Variants in PPM1E observed in about 807,000 individuals in gnomAD.
PPM1E encodes the protein protein phosphatase 1E.
A neutral mutation model predicts 65.9 loss-of-function variants in PPM1E; 20 were observed. The observed-to-expected ratio is 0.30, with a 90% CI of 0.21 to 0.44. The LOEUF (loss-of-function observed/expected upper bound fraction) is 0.44. PPM1E is among the 20% of genes least tolerant of loss of function. PPM1E has a pLI of 1.00. For missense variants in PPM1E, 713 were observed against 953.1 expected, an observed-to-expected ratio of 0.75 and a Z score of 3.32; for synonymous variants, 352 against 374.9, an observed-to-expected ratio of 0.94 and a Z score of 0.70.
intron 1 of PPM1E, among the ~76,000 whole-genome samples, chr17:58,843,260 A>G (rs1030547770): frequency 6.6e-6 from 1 of 150,500 alleles, no homozygotes; most frequent in African/African-American, 2.4e-5. Flanking sequence ...TGAGAGGCGG[A>G]GTTTTCAGTG....
chr17:58,787,003 T>C (rs1315126368), intron 1 of PPM1E, among the ~76,000 whole-genome samples: 1 of 152,230 alleles, frequency 6.6e-6, no homozygotes, highest in Non-Finnish European at 1.5e-5. Context: ...ATTTTGAAAA[T>C]TCTGAAGTAG....
chr17:58,919,172 G>A (rs953350632), intron 1 of PPM1E, among the ~76,000 whole-genome samples: 7 of 152,144 alleles, frequency 4.6e-5, no homozygotes, highest in African/African-American at 1.7e-4. Flanking sequence ...GCTCTCAGAA[G>A]ATAATGGATA....
At chr17:58,970,571 A>G (rs571105643) in intron 4 of PPM1E, among the ~76,000 whole-genome samples, 1 of 152,312 alleles carries the variant, frequency 6.6e-6, no homozygotes, top group Non-Finnish European at 1.5e-5. Flanking sequence ...CCATTTTTTG[A>G]TAGCATAGTT....
At chr17:58,917,218 GA>G (rs201768744) in intron 1 of PPM1E, among the ~76,000 whole-genome samples, 49,900 of 128,668 alleles carry the variant, frequency 0.39, 8,821 homozygotes, top group East Asian at 0.54. Context: ...TCAAAAAAAA[GA>G]AAAAAAAAAA....
At chr17:58,805,422 G>A (rs758853643) in intron 1 of PPM1E, among the ~76,000 whole-genome samples, 3 of 151,914 alleles carry the variant, frequency 2.0e-5, no homozygotes, top group Admixed American at 6.6e-5. Flanking sequence ...GGCTAATTTC[G>A]TATTTTTAGT....
chr17:58,885,304 G>A (rs1472187839), intron 1 of PPM1E, among the ~76,000 whole-genome samples: 8 of 152,118 alleles, frequency 5.3e-5, no homozygotes, highest in Non-Finnish European at 1.0e-4. Context: ...TGATCTGCCC[G>A]CCTTGCCCTC....
At chr17:58,904,652 C>G (rs1202856386) in intron 1 of PPM1E, among the ~76,000 whole-genome samples, 2 of 151,968 alleles carry the variant, frequency 1.3e-5, no homozygotes, top group Non-Finnish European at 2.9e-5. Context: ...AAATATTTCT[C>G]CATTAATTTA....
intron 1 of PPM1E, among the ~76,000 whole-genome samples, chr17:58,937,935 A>ATG (rs111761144): frequency 0.073 from 10,972 of 151,228 alleles, 898 homozygotes; most frequent in African/African-American, 0.2. Context: ...ATAATACAAA[A>ATG]TGTGAAGGAT....
chr17:58,839,348 A>G (rs971209599), intron 1 of PPM1E, among the ~76,000 whole-genome samples: 4 of 152,148 alleles, frequency 2.6e-5, no homozygotes, highest in African/African-American at 4.8e-5. Flanking sequence ...TTTAAGGAAA[A>G]AATAATATAA....
chr17:58,842,047 G>A (rs1245445733), intron 1 of PPM1E, among the ~76,000 whole-genome samples: 1 of 152,046 alleles, frequency 6.6e-6, no homozygotes, highest in Non-Finnish European at 1.5e-5. Flanking sequence ...TCCCTGTGTT[G>A]GGTAGGCTGG....
At chr17:58,837,204 G>A (rs2050668397) in intron 1 of PPM1E, among the ~76,000 whole-genome samples, 1 of 143,458 alleles carries the variant, frequency 7.0e-6, no homozygotes, top group Non-Finnish European at 1.5e-5. Flanking sequence ...GGGCCATGAT[G>A]GTCCCACTGC....
intron 2 of PPM1E, among the ~76,000 whole-genome samples, chr17:58,960,796 A>G (rs2030008889): frequency 2.0e-5 from 3 of 151,748 alleles, no homozygotes; most frequent in Admixed American, 2.0e-4. Context: ...AATAATTATA[A>G]TAAAGCAAAG....
chr17:58,904,820 GA>G (rs1195736617), intron 1 of PPM1E, among the ~76,000 whole-genome samples: 12 of 144,930 alleles, frequency 8.3e-5, no homozygotes, highest in African/African-American at 3.1e-4. Flanking sequence ...CATTGCTGGT[GA>G]CCAACATGGA....
chr17:58,968,298 G>T (rs2030385270), intron 3 of PPM1E, among the ~76,000 whole-genome samples: 1 of 152,086 alleles, frequency 6.6e-6, no homozygotes, highest in South Asian at 2.1e-4. Flanking sequence ...AGTGGCTCTT[G>T]CCTGTAATCC....
intron 1 of PPM1E, among the ~76,000 whole-genome samples, chr17:58,765,700 A>G (rs1567826920): frequency 6.6e-6 from 1 of 152,036 alleles, no homozygotes; most frequent in Non-Finnish European, 1.5e-5. Context: ...AAAGAACCAA[A>G]AGAATAATCT....
chr17:58,944,559 ATAT>A lies in PPM1E; in HGVS notation c.465-11089_465-11087del, dbSNP rs1455580316. ...ATAAATTTCCTATTCTGGGCTTTTC[ATAT>A]AATTATTATTATAGAATTATAAATT... On this transcript the variant is annotated intron_variant, in intron 1 of 6. Coordinates refer to ENST00000308249, the MANE Select transcript of PPM1E (RefSeq NM_014906.5). 8.6e-3 allele frequency among the ~76,000 whole-genome samples: 1,301 copies of A among 152,158 alleles called. 17 individuals carry two copies. The highest frequency in any genetic ancestry group is 0.029 in the African/African-American group (1,213 of 41,510).
At chr17:58,769,904 G>C (rs1028621005) in intron 1 of PPM1E, among the ~76,000 whole-genome samples, 2 of 152,030 alleles carry the variant, frequency 1.3e-5, no homozygotes, top group African/African-American at 4.8e-5. Flanking sequence ...GTGCACACTT[G>C]TAGTCCCAGC....
At chr17:58,841,911 A>G (rs1396438079) in intron 1 of PPM1E, among the ~76,000 whole-genome samples, 1 of 151,976 alleles carries the variant, frequency 6.6e-6, no homozygotes, top group Non-Finnish European at 1.5e-5. Context: ...ATTTCACCAT[A>G]TTGCCCAGGC....
At chr17:58,839,296 C>A (rs2050693785) in intron 1 of PPM1E, among the ~76,000 whole-genome samples, 1 of 151,708 alleles carries the variant, frequency 6.6e-6, no homozygotes. Context: ...GAGTTCAAGT[C>A]CAGCAACATG....
Sources: gnomAD v4.1 joint callset for allele counts (sites outside exome capture counted in the v4.1 genomes callset) on GRCh38, gnomAD v4.1.1 for gene constraint, MANE v1.5 for transcripts, NCBI Gene and HGNC (gene_info 2026-07-23, HGNC 2026-07-21) for gene names.